Variants in FGF14 observed in about 807,000 individuals in gnomAD.
FGF14 encodes the protein fibroblast growth factor homologous factor 4.
FGF14 carries 5 observed loss-of-function variants against 25.5 expected under a neutral mutation model. The ratio of observed to expected loss-of-function variants is 0.20; its 90% CI spans 0.10 to 0.41. The LOEUF (loss-of-function observed/expected upper bound fraction) is 0.41, where lower values mean the gene tolerates loss of function less well. Ranked by LOEUF, FGF14 falls within the 10% of genes least tolerant of loss-of-function variation. FGF14 has a pLI of 1.00. For synonymous variants in FGF14, 138 were observed against 118.3 expected (o/e 1.17, Z -1.08); for missense variants, 222 against 320.1 (o/e 0.69, Z 2.34).
chr13:102,212,162 A>G (rs922708305), intron 1 of FGF14, among the ~76,000 whole-genome samples: 2 of 152,176 alleles, frequency 1.3e-5, no homozygotes, highest in South Asian at 2.1e-4. Flanking sequence ...ATCTTATTCC[A>G]TACTAGTTCC....
chr13:101,882,510 C>T (rs2045763391), intron 1 of FGF14, among the ~76,000 whole-genome samples: 2 of 150,788 alleles, frequency 1.3e-5, no homozygotes, highest in South Asian at 4.2e-4. Context: ...AATAGTAGAG[C>T]AGTAAACTGG....
chr13:102,126,252 T>C (rs1362915008), intron 1 of FGF14, among the ~76,000 whole-genome samples: 2 of 152,164 alleles, frequency 1.3e-5, no homozygotes, highest in Non-Finnish European at 2.9e-5. Flanking sequence ...ACTGATCATC[T>C]CTAATCTACT....
intron 1 of FGF14, among the ~76,000 whole-genome samples, chr13:102,338,855 CA>C (rs1230695179): frequency 6.6e-6 from 1 of 151,446 alleles, no homozygotes; most frequent in African/African-American, 2.4e-5. Flanking sequence ...CTTTAAAATA[CA>C]AAAAATTAGC....
upstream of FGF14, among the ~76,000 whole-genome samples, chr13:101,916,991 G>A (rs903522367): frequency 6.6e-6 from 1 of 151,598 alleles, no homozygotes; most frequent in Non-Finnish European, 1.5e-5. Context: ...GGCGGGGGTC[G>A]CCACCGCCAC....
chr13:101,726,846 G>A, intron 3 of FGF14, 36 bp from the exon 4 acceptor site: 1 of 1,459,324 alleles, frequency 6.9e-7, no homozygotes, highest in Admixed American at 1.8e-5. Context: ...TTAGAGGAAG[G>A]AACTTGATCT....
At chr13:102,318,937 G>T (rs1002913214) in intron 1 of FGF14, among the ~76,000 whole-genome samples, 1 of 152,154 alleles carries the variant, frequency 6.6e-6, no homozygotes, top group Non-Finnish European at 1.5e-5. Context: ...CATCCTTTCT[G>T]AGTGCCAGTG....
At chr13:101,771,591 GA>G (rs2038774290) in intron 3 of FGF14, among the ~76,000 whole-genome samples, 1 of 151,930 alleles carries the variant, frequency 6.6e-6, no homozygotes, top group Admixed American at 6.6e-5. Flanking sequence ...TACACATCTG[GA>G]TGCTTACTCA....
At chr13:101,817,723 C>T (rs1215719196) in intron 3 of FGF14, among the ~76,000 whole-genome samples, 4 of 152,136 alleles carry the variant, frequency 2.6e-5, no homozygotes, top group South Asian at 2.1e-4. Context: ...CTTTCTTCTC[C>T]GGACCTCAAC....
Position 101,726,775 on chromosome 13 carries a change from A to G in FGF14, c.444T>C (p.Ser148=). Residue 148 remains serine, a synonymous_variant, in exon 4 of 5, where the codon TCT becomes TCC. Coordinates refer to ENST00000376143, the MANE Select transcript of FGF14 (RefSeq NM_004115.4). ...LFTPECKFKE[S]VFENYYVIYS... ...AGATTACATAATAATTTTCAAAAAC[A>G]GATTCTTTAAACTTGCATTCAGGGG... The G allele has an allele frequency of 6.2e-7, 1 of 1,612,240 alleles. No individual in the cohort carries two copies. The highest frequency in any genetic ancestry group is 8.5e-7 in the Non-Finnish European group (1 of 1,179,204).
chr13:101,917,705 C>A (rs958265899), upstream of FGF14, among the ~76,000 whole-genome samples: 10 of 152,076 alleles, frequency 6.6e-5, no homozygotes, highest in Admixed American at 2.0e-4. Context: ...CAGGACCCTC[C>A]CTTCTGCTGC....
chr13:102,309,949 C>T (rs183032181), intron 1 of FGF14, among the ~76,000 whole-genome samples: 35 of 152,252 alleles, frequency 2.3e-4, no homozygotes, highest in Admixed American at 1.3e-4. Context: ...GTCTCCATGA[C>T]CTTTAATTGT....
At chr13:102,399,228 CA>C (rs1398472662) in intron 1 of FGF14, among the ~76,000 whole-genome samples, 1 of 151,572 alleles carries the variant, frequency 6.6e-6, no homozygotes, top group Non-Finnish European at 1.5e-5. Flanking sequence ...AAATTGTTTA[CA>C]AAAAAAATTA....
intron 1 of FGF14, among the ~76,000 whole-genome samples, chr13:102,036,286 A>G (rs1272483284): frequency 6.6e-6 from 1 of 152,142 alleles, no homozygotes; most frequent in Non-Finnish European, 1.5e-5. Flanking sequence ...TCTTGGTAAA[A>G]GAGGATATGC....
intron 1 of FGF14, among the ~76,000 whole-genome samples, chr13:102,319,296 A>G (rs2056154471): frequency 6.6e-6 from 1 of 152,214 alleles, no homozygotes; most frequent in Non-Finnish European, 1.5e-5. Flanking sequence ...GCATGAATCC[A>G]TGTCTAATCA....
At chr13:101,849,142 T>C (rs567208534) in intron 3 of FGF14, among the ~76,000 whole-genome samples, 35 of 152,198 alleles carry the variant, frequency 2.3e-4, no homozygotes, top group Non-Finnish European at 4.4e-4. Context: ...TTTTTCTGTC[T>C]CTGTGTGTGG....
chr13:102,059,131 A>G (rs965174209), intron 1 of FGF14, among the ~76,000 whole-genome samples: 4 of 152,194 alleles, frequency 2.6e-5, no homozygotes, highest in Non-Finnish European at 5.9e-5. Context: ...AATGTGCTCT[A>G]GACCTAGAGC....
chr13:102,148,687 T>C (rs2046955288), intron 1 of FGF14, among the ~76,000 whole-genome samples: 1 of 152,134 alleles, frequency 6.6e-6, no homozygotes, highest in East Asian at 1.9e-4. Flanking sequence ...CATGCAACTG[T>C]AGTCCCAGCT....
chr13:102,119,723 C>T (rs1191572395), intron 1 of FGF14, among the ~76,000 whole-genome samples: 1 of 152,172 alleles, frequency 6.6e-6, no homozygotes, highest in Non-Finnish European at 1.5e-5. Flanking sequence ...TGTTCCCCTG[C>T]ATTTGTGCAT....
chr13:101,889,743 A>G (rs190980708), intron 1 of FGF14, among the ~76,000 whole-genome samples: 106 of 152,322 alleles, frequency 7.0e-4, no homozygotes, highest in Admixed American at 4.1e-3. Context: ...ATACATGAAG[A>G]AAATCTGCAT....
Sources: allele counts gnomAD v4.1 joint callset (sites outside exome capture counted in the v4.1 genomes callset), GRCh38; gene constraint gnomAD v4.1.1; transcripts MANE v1.5; gene names NCBI Gene and HGNC (gene_info 2026-07-23, HGNC 2026-07-21).